HECTD4: variants seen among roughly 807,000 people sequenced by gnomAD.
The protein encoded by HECTD4 is probable E3 ubiquitin-protein ligase HECTD4.
In HECTD4, 114 loss-of-function variants were observed where a neutral mutation model predicts 471.5. That is an observed-to-expected ratio of 0.24 (90% CI 0.21 to 0.28). HECTD4 has a LOEUF of 0.28. HECTD4 is among the 10% of genes least tolerant of loss of function. The probability of loss-of-function intolerance (pLI) is 1.00; values close to 1 mark genes in which losing one functional copy is unlikely to be tolerated. For synonymous variants in HECTD4, 2,012 were observed against 2,256.0 expected (o/e 0.89, Z 3.07); for missense variants, 3,866 against 5,651.5 (o/e 0.68, Z 10.13).
chr12:112,258,472 C>A, intron 20 of HECTD4, 24 bp downstream of exon 20: 1 of 1,515,616 alleles, frequency 6.6e-7, no homozygotes, highest in Non-Finnish European at 8.9e-7. Flanking sequence ...AAAAGGGTTC[C>A]TGCAAGGAAG....
At chr12:112,268,373 CCT>C (rs1374797725) in intron 13 of HECTD4, among the ~76,000 whole-genome samples, 1 of 152,202 alleles carries the variant, frequency 6.6e-6, no homozygotes, top group East Asian at 1.9e-4. Context: ...TATGCTCACC[CCT>C]GTCATACAGA....
intron 60 of HECTD4, among the ~76,000 whole-genome samples, chr12:112,186,494 G>A (rs1005926609): frequency 2.7e-5 from 4 of 148,704 alleles, no homozygotes; most frequent in Non-Finnish European, 5.9e-5. Flanking sequence ...CTACCAGCAT[G>A]CCCAGTTAAT....
At chr12:112,317,161 C>A in intron 2 of HECTD4, among the ~76,000 whole-genome samples, 1 of 152,230 alleles carries the variant, frequency 6.6e-6, no homozygotes, top group East Asian at 1.9e-4. Context: ...TTGAAATTGT[C>A]TCTGCATATG....
intron 1 of HECTD4, among the ~76,000 whole-genome samples, chr12:112,334,681 G>A (rs1406454282): frequency 9.4e-5 from 14 of 149,036 alleles, no homozygotes; most frequent in African/African-American, 1.2e-4. Flanking sequence ...GGTGTGGTGA[G>A]TGCCTGTAAT....
intron 10 of HECTD4, 53 bp downstream of exon 10, chr12:112,274,793 GA>G (rs1323419434): frequency 7.2e-6 from 8 of 1,104,246 alleles, no homozygotes; most frequent in African/African-American, 1.6e-5. Context: ...CAGTTCAAGA[GA>G]AATTTGCTAA....
At chr12:112,227,303 T>C (rs575730193) in intron 43 of HECTD4, among the ~76,000 whole-genome samples, 13 of 152,024 alleles carry the variant, frequency 8.6e-5, no homozygotes, top group African/African-American at 3.1e-4. Flanking sequence ...CTACTAAAAA[T>C]ATAAAAATTA....
At chr12:112,324,027 TTCCTTCCTTCCTTC>T in intron 1 of HECTD4, among the ~76,000 whole-genome samples, 1 of 51,988 alleles carries the variant, frequency 1.9e-5, no homozygotes. Context: ...CCTTCCTTCC[TTCCTTCCTTCCTTC>T]CTTCCTTTCT....
chr12:112,177,524 C>A (rs2031497723), intron 64 of HECTD4, among the ~76,000 whole-genome samples: 1 of 152,146 alleles, frequency 6.6e-6, no homozygotes, highest in Admixed American at 6.6e-5. Context: ...GGACTACAGG[C>A]ACTCGCCACC....
At chr12:112,204,737 A>G (rs1397406664) in intron 52 of HECTD4, 114 bp from the exon 53 acceptor site, 5 of 842,812 alleles carry the variant, frequency 5.9e-6, no homozygotes, top group Non-Finnish European at 9.3e-6. Context: ...ATTGTTTATG[A>G]AAGTACATAA....
chr12:112,314,773 T>A (rs1479985740), intron 2 of HECTD4, among the ~76,000 whole-genome samples: 2 of 152,216 alleles, frequency 1.3e-5, no homozygotes, highest in African/African-American at 4.8e-5. Context: ...GAAGAAGTTC[T>A]CCTTGCATTT....
intron 49 of HECTD4, 139 bp from the exon 50 acceptor site, chr12:112,210,391 G>T (rs948524203): frequency 2.4e-6 from 2 of 848,080 alleles, no homozygotes; most frequent in Admixed American, 4.7e-5. Flanking sequence ...CCAGGTGGGG[G>T]CTGGAGGGAC....
chr12:112,250,969 A>T lies in HECTD4; in HGVS notation c.3716+2T>A. The T allele has an allele frequency of 6.2e-7, 1 of 1,605,670 alleles. No individual in the cohort carries two copies. The highest frequency in any genetic ancestry group is 1.7e-5 in the Admixed American group (1 of 58,028). On this transcript the variant is annotated splice_donor_variant, in intron 24 of 75. Transcript: ENST00000682272. LOFTEE classifies it high-confidence loss of function. Reference sequence around the variant, plus strand: ...CTAGCTCAATTTCAACCTTTTTGTTACCTTTGTAAAAGTTTGGACCGCAAT... The same window carrying T: ...CTAGCTCAATTTCAACCTTTTTGTTTCCTTTGTAAAAGTTTGGACCGCAAT...
At chr12:112,312,886 A>G in intron 4 of HECTD4, 131 bp downstream of exon 4, 2 of 672,430 alleles carry the variant, frequency 3.0e-6, no homozygotes, top group Non-Finnish European at 2.4e-6. Context: ...CAATGAACAT[A>G]CTGAATAGAA....
intron 2 of HECTD4, among the ~76,000 whole-genome samples, chr12:112,317,688 G>C (rs2035505971): frequency 6.6e-6 from 1 of 152,120 alleles, no homozygotes; most frequent in Non-Finnish European, 1.5e-5. Context: ...TCCTAGAAAA[G>C]CAACTCCAGG....
Position 112,283,144 on chromosome 12 carries a change from G to A in HECTD4, c.1494C>T (p.Ser498=). ...PSATLAALTG[S]TISNTLKEDQ... ...CCTCTTTCAGTGTGTTGGAGATGGTGGAACCAGTCAGGGCAGCAAGCGTTG... is the reference window on the plus strand; with the variant it reads ...CCTCTTTCAGTGTGTTGGAGATGGTAGAACCAGTCAGGGCAGCAAGCGTTG... Residue 498 remains serine (S), a synonymous_variant, in exon 8 of 76, where the codon TCC becomes TCT. Transcript: ENST00000682272. The A allele has an allele frequency of 6.2e-7, 1 of 1,613,646 alleles. No individual in the cohort carries two copies. The highest frequency in any genetic ancestry group is 8.5e-7 in the Non-Finnish European group (1 of 1,179,756).
At chr12:112,377,369 C>T (rs2036802175) in intron 1 of HECTD4, among the ~76,000 whole-genome samples, 1 of 152,008 alleles carries the variant, frequency 6.6e-6, no homozygotes, top group African/African-American at 2.4e-5. Flanking sequence ...TATCATTTGC[C>T]TCTATGTCAT....
chr12:112,212,988 G>A (rs1208288742), intron 48 of HECTD4, among the ~76,000 whole-genome samples: 2 of 152,128 alleles, frequency 1.3e-5, no homozygotes, highest in East Asian at 1.9e-4. Context: ...TAGAGACAGG[G>A]TTTTGCCATG....
chr12:112,320,304 A>G (rs533526317), intron 1 of HECTD4, among the ~76,000 whole-genome samples: 1 of 152,290 alleles, frequency 6.6e-6, no homozygotes, highest in African/African-American at 2.4e-5. Flanking sequence ...CCTGCACTAC[A>G]GCCTGAGTGA....
At chr12:112,360,803 G>A (rs1355201965) in intron 1 of HECTD4, among the ~76,000 whole-genome samples, 1 of 152,036 alleles carries the variant, frequency 6.6e-6, no homozygotes, top group Non-Finnish European at 1.5e-5. Flanking sequence ...GGCCAACATG[G>A]TGAAACCCCA....
Sources: allele counts gnomAD v4.1 joint callset (sites outside exome capture counted in the v4.1 genomes callset), GRCh38; gene constraint gnomAD v4.1.1; transcripts MANE v1.5; gene names NCBI Gene and HGNC (gene_info 2026-07-23, HGNC 2026-07-21).